PKD2L1: variants seen among roughly 807,000 people sequenced by gnomAD.
The protein encoded by PKD2L1 is polycystin 2 like 1, transient receptor potential cation channel, also known as polycystin-2-like protein 1.
A neutral mutation model predicts 93.0 loss-of-function variants in PKD2L1; 77 were observed. That is an observed-to-expected ratio of 0.83 (90% CI 0.69 to 1.00). The LOEUF is 1.00. Among genes scored for constraint, PKD2L1 ranks in the 50% least tolerant of loss-of-function variants. The pLI, the probability that PKD2L1 is intolerant of heterozygous loss-of-function variation, is 0.00. For missense variants in PKD2L1, 977 were observed against 990.9 expected, an observed-to-expected ratio of 0.99 and a Z score of 0.19; for synonymous variants, 390 against 388.0, an observed-to-expected ratio of 1.01 and a Z score of -0.06.
intron 2 of PKD2L1, among the ~76,000 whole-genome samples, chr10:100,323,052 G>T (rs1849297367): frequency 6.6e-6 from 1 of 152,132 alleles, no homozygotes; most frequent in Admixed American, 6.6e-5. Context: ...ATTCAATAAA[G>T]GTTTGTTGTT....
chr10:100,299,817 GCC>G, intron 2 of PKD2L1, 99 bp from the exon 3 acceptor site: 2 of 1,091,742 alleles, frequency 1.8e-6, no homozygotes, highest in Non-Finnish European at 2.8e-6. Flanking sequence ...CAAGATGGAA[GCC>G]CATCCCCCAT....
intron 2 of PKD2L1, among the ~76,000 whole-genome samples, chr10:100,313,706 T>C (rs557280208): frequency 2.6e-5 from 4 of 152,356 alleles, no homozygotes; most frequent in East Asian, 3.9e-4. Flanking sequence ...ATTTGAGTTA[T>C]ATCTATCTAC....
rs1385502262 is a variant in PKD2L1, at chr10:100,290,573, G to T, written c.2008-54C>A. The T allele has an allele frequency of 8.7e-6, 10 of 1,143,050 alleles. No individual in the cohort carries two copies. In the East Asian group the frequency reaches 9.4e-5, roughly 11 times the overall value. The allele number at this position is 1,143,050 out of a possible 1,614,324, so 70.8% of individuals were successfully genotyped here. On this transcript the variant is annotated intron_variant, in intron 12 of 15. Coordinates refer to ENST00000318222, the MANE Select transcript of PKD2L1 (RefSeq NM_016112.3). The stretch of plus-strand genomic sequence containing the variant: ...AGGAGATAACTCTGGGAAGCCATCA[G>T]CTCCTGTTCTATCACCTACTCTACT...
chr10:100,327,890 G>A (rs953553643), intron 2 of PKD2L1, among the ~76,000 whole-genome samples: 13 of 152,218 alleles, frequency 8.5e-5, no homozygotes, highest in African/African-American at 2.9e-4. Flanking sequence ...CCAGAACAAA[G>A]TGCTTTCTGC....
At chr10:100,325,096 C>G (rs1040965353) in intron 2 of PKD2L1, among the ~76,000 whole-genome samples, 2 of 152,186 alleles carry the variant, frequency 1.3e-5, no homozygotes, top group Non-Finnish European at 2.9e-5. Flanking sequence ...ATCCGTCTCC[C>G]CAAAAGTCTC....
Position 100,296,205 on chromosome 10 carries a change from A to G in PKD2L1, c.1273T>C (p.Tyr425His). 8 of 1,612,584 alleles carry G rather than the reference A, an allele frequency of 5.0e-6. No homozygotes were observed. The highest frequency in any genetic ancestry group is 6.8e-6 in the Non-Finnish European group (8 of 1,179,368). The change falls in exon 7 of 16, where the codon TAT becomes CAT. Residue 425 changes from tyrosine to histidine, a missense_variant. Physicochemically the swap from Tyr to His is moderately conservative, Grantham distance 83 (BLOSUM62 2). Transcript: ENST00000318222. ...MGKLLQQPNT[Y>H]ADFEFLAFWQ... is the part of the protein sequence containing the mutation. The stretch of plus-strand genomic sequence containing the variant: ...AAGGCGAGGAACTCAAAGTCTGCAT[A>G]CGTGTTTGGCTGCTGCAGGAGCTTC...
intron 7 of PKD2L1, 35 bp from the exon 8 acceptor site, chr10:100,295,158 G>A: frequency 6.3e-7 from 1 of 1,574,812 alleles, no homozygotes; most frequent in Non-Finnish European, 8.7e-7. Flanking sequence ...GGATGAAGAA[G>A]GAAAAGGGAA....
intron 9 of PKD2L1, 117 bp downstream of exon 9, chr10:100,294,418 C>G (rs1308636150): frequency 1.9e-6 from 2 of 1,077,828 alleles, no homozygotes; most frequent in Non-Finnish European, 2.8e-6. Context: ...ATCGGCCCCC[C>G]CACTCACTCT....
intron 2 of PKD2L1, among the ~76,000 whole-genome samples, chr10:100,306,035 A>G (rs1015863309): frequency 3.3e-5 from 5 of 152,080 alleles, no homozygotes; most frequent in Admixed American, 2.0e-4. Context: ...AAATACATAA[A>G]TTAGCCGGGC....
chr10:100,313,341 C>T (rs1230798515), intron 2 of PKD2L1, among the ~76,000 whole-genome samples: 1 of 152,172 alleles, frequency 6.6e-6, no homozygotes, highest in African/African-American at 2.4e-5. Context: ...AAGCTGGAGT[C>T]TTTGAACATA....
chr10:100,301,061 G>A (rs1216608260), intron 2 of PKD2L1, among the ~76,000 whole-genome samples: 2 of 152,172 alleles, frequency 1.3e-5, no homozygotes, highest in Non-Finnish European at 2.9e-5. Context: ...GACGTCACAT[G>A]TCGGCAGGTT....
At chr10:100,327,556 A>G (rs748099311) in intron 2 of PKD2L1, among the ~76,000 whole-genome samples, 2 of 152,208 alleles carry the variant, frequency 1.3e-5, no homozygotes, top group Non-Finnish European at 2.9e-5. Flanking sequence ...CCTGTTCCAG[A>G]GGCTAATCTG....
chr10:100,297,826 G>A lies in PKD2L1; in HGVS notation c.732-220C>T, dbSNP rs189605054. Among the ~76,000 whole-genome samples, 562 of 151,892 alleles carry A rather than the reference G, an allele frequency of 3.7e-3. 1 individual carries two copies. The highest frequency in any genetic ancestry group is 6.2e-3 in the Non-Finnish European group (420 of 67,966). ...TAACAACCATTTGAGAAGGGAGAGT[G>A]AATATTATCCACATTTTGCAGAAGA... On this transcript the variant is annotated intron_variant, in intron 4 of 15. Transcript: ENST00000318222.
At position 100,299,594 on chromosome 10, in the gene PKD2L1, C is replaced by A. The variant is rs781769116; in HGVS notation, c.474G>T (p.Trp158Cys). 3.1e-6 allele frequency: 5 copies of A among 1,613,896 alleles called. No homozygotes were observed. The South Asian group carries it at 5.5e-5, about 18-fold the overall frequency. ...FQAISSMADF[W>C]DFAQGPLLDS... Reference sequence around the variant, plus strand: ...GTAGAAAAGATCTTATACTCACATCCCAGAAGTCCGCCATGCTGCTGATGG... The same window carrying A: ...GTAGAAAAGATCTTATACTCACATCACAGAAGTCCGCCATGCTGCTGATGG... Residue 158 changes from tryptophan to cysteine, a missense_variant, in exon 3 of 16, where the codon TGG becomes TGT. Physicochemically the swap from Trp to Cys is radical, Grantham distance 215. Transcript: ENST00000318222.
At chr10:100,288,539 T>G (rs1848329918) in intron 15 of PKD2L1, 61 bp from the exon 16 acceptor site, 2 of 1,005,104 alleles carry the variant, frequency 2.0e-6, no homozygotes, top group South Asian at 2.5e-5. Flanking sequence ...GCACAAAGGA[T>G]AAGAATAGGA....
At chr10:100,288,766 C>T (rs544862231) in intron 15 of PKD2L1, among the ~76,000 whole-genome samples, 1 of 152,242 alleles carries the variant, frequency 6.6e-6, no homozygotes, top group South Asian at 2.1e-4. Context: ...TATGTGGCAA[C>T]ACACAGAAAC....
intron 2 of PKD2L1, among the ~76,000 whole-genome samples, chr10:100,306,089 A>G (rs921641321): frequency 1.4e-4 from 21 of 152,062 alleles, no homozygotes; most frequent in Admixed American, 9.8e-4. Flanking sequence ...GTGAGAGATG[A>G]GAGGTCAAGG....
intron 2 of PKD2L1, among the ~76,000 whole-genome samples, chr10:100,323,379 T>C (rs1849305544): frequency 6.6e-6 from 1 of 151,828 alleles, no homozygotes. Context: ...AGCGATTCTC[T>C]TGCCTCAGCT....
At chr10:100,291,510 C>T in intron 11 of PKD2L1, 83 bp from the exon 12 acceptor site, 4 of 1,457,644 alleles carry the variant, frequency 2.7e-6, no homozygotes, top group Non-Finnish European at 3.7e-6. Context: ...TTTTGCTTGA[C>T]TCTGGCAAAA....
Sources: gnomAD v4.1 joint callset for allele counts (sites outside exome capture counted in the v4.1 genomes callset) on GRCh38, gnomAD v4.1.1 for gene constraint, MANE v1.5 for transcripts, NCBI Gene and HGNC (gene_info 2026-07-23, HGNC 2026-07-21) for gene names.